CADM2: variants seen among roughly 807,000 people sequenced by gnomAD.
CADM2 encodes cell adhesion molecule 2, also known as immunoglobulin superfamily member 4D.
A neutral mutation model predicts 49.8 loss-of-function variants in CADM2; 12 were observed. That is an observed-to-expected ratio of 0.24 (90% CI 0.15 to 0.39). The LOEUF (loss-of-function observed/expected upper bound fraction) is 0.39. CADM2 is among the 10% of genes least tolerant of loss of function. The pLI, the probability that CADM2 is intolerant of heterozygous loss-of-function variation, is 1.00. For missense variants in CADM2, 378 were observed against 492.3 expected (o/e 0.77, Z 2.20); for synonymous variants, 214 against 175.4 (o/e 1.22, Z -1.74).
At chr3:85,290,354 G>T (rs950012750) in intron 1 of CADM2, among the ~76,000 whole-genome samples, 1 of 152,178 alleles carries the variant, frequency 6.6e-6, no homozygotes, top group African/African-American at 2.4e-5. Context: ...CCGCAGCAAG[G>T]CTGGGGGAGG....
chr3:85,350,867 A>T (rs1465377649), intron 1 of CADM2, among the ~76,000 whole-genome samples: 1 of 152,194 alleles, frequency 6.6e-6, no homozygotes, highest in Non-Finnish European at 1.5e-5. Context: ...GGAACAAGGT[A>T]TAGTTTAAAA....
chr3:86,013,154 A>T (rs1039354197), intron 8 of CADM2: 4 of 1,353,662 alleles, frequency 3.0e-6, no homozygotes, highest in Non-Finnish European at 4.2e-6. Context: ...GAAAACGAAT[A>T]AAAGAACTGA....
intron 1 of CADM2, among the ~76,000 whole-genome samples, chr3:85,634,744 A>G (rs2064409943): frequency 6.6e-6 from 1 of 152,126 alleles, no homozygotes; most frequent in African/African-American, 2.4e-5. Context: ...TGATAGATCA[A>G]TCATTTTAGA....
chr3:85,659,804 T>A (rs571283696), intron 1 of CADM2, among the ~76,000 whole-genome samples: 121 of 152,224 alleles, frequency 7.9e-4, no homozygotes, highest in Admixed American at 1.3e-3. Context: ...TTCTAACAAG[T>A]TCCAAGATGG....
At chr3:85,490,549 A>G (rs1009825348) in intron 1 of CADM2, among the ~76,000 whole-genome samples, 4 of 152,074 alleles carry the variant, frequency 2.6e-5, no homozygotes, top group African/African-American at 9.7e-5. Flanking sequence ...ATGCCACTGT[A>G]CTCCAGTATG....
intron 1 of CADM2, among the ~76,000 whole-genome samples, chr3:85,722,191 G>A (rs1269679019): frequency 6.6e-6 from 1 of 151,958 alleles, no homozygotes; most frequent in Admixed American, 6.6e-5. Flanking sequence ...AGGAGACCCT[G>A]GAGTGGGTAG....
chr3:85,081,727 C>G (rs1218455102), intron 1 of CADM2, among the ~76,000 whole-genome samples: 1 of 152,066 alleles, frequency 6.6e-6, no homozygotes, highest in African/African-American at 2.4e-5. Context: ...TCCAGGGCAT[C>G]GAGGAAGAGG....
At chr3:86,017,202 C>A (rs1732383404) in intron 8 of CADM2, among the ~76,000 whole-genome samples, 1 of 147,854 alleles carries the variant, frequency 6.8e-6, no homozygotes. Context: ...ATAATTTACA[C>A]TATATAGATA....
intron 1 of CADM2, among the ~76,000 whole-genome samples, chr3:85,658,470 A>G (rs1197906302): frequency 6.6e-6 from 1 of 151,234 alleles, no homozygotes; most frequent in Non-Finnish European, 1.5e-5. Context: ...TGGCAGCCCT[A>G]GCAAGCTAAT....
Position 85,456,732 on chromosome 3 carries a change from A to G in CADM2, c.62-269790A>G, listed in dbSNP as rs116347916. On this transcript the variant is annotated intron_variant, in intron 1 of 9. Coordinates refer to ENST00000383699, the MANE Select transcript of CADM2 (RefSeq NM_001167675.2). Reference sequence around the variant, plus strand: ...AAGTAATATTTAAGTCTATAGGCCTACTTTTTTCAGTGACAGGACAAAGTT... The same window carrying G: ...AAGTAATATTTAAGTCTATAGGCCTGCTTTTTTCAGTGACAGGACAAAGTT... 8.8e-4 allele frequency among the ~76,000 whole-genome samples: 134 copies of G among 152,110 alleles called. 1 individual carries two copies. Among genetic ancestry groups the G allele is most frequent in the African/African-American group, 2.9e-3 (122 of 41,514 alleles).
chr3:85,201,011 C>T (rs2041485283), intron 1 of CADM2, among the ~76,000 whole-genome samples: 1 of 152,098 alleles, frequency 6.6e-6, no homozygotes, highest in Non-Finnish European at 1.5e-5. Context: ...TTATCAATAT[C>T]CCTGTGATAA....
intron 8 of CADM2, chr3:86,013,703 C>A (rs1168841624): frequency 1.1e-5 from 18 of 1,599,238 alleles, no homozygotes; most frequent in Non-Finnish European, 1.5e-5. Flanking sequence ...AATCTCATAG[C>A]CTAAGAGAGG....
intron 5 of CADM2, among the ~76,000 whole-genome samples, chr3:85,890,717 T>C (rs1179831494): frequency 6.6e-6 from 1 of 152,014 alleles, no homozygotes; most frequent in Non-Finnish European, 1.5e-5. Flanking sequence ...TTTTCATTAC[T>C]GAGATCCCAA....
intron 1 of CADM2, among the ~76,000 whole-genome samples, chr3:85,264,699 A>T (rs1033598479): frequency 6.6e-6 from 1 of 152,116 alleles, no homozygotes; most frequent in East Asian, 1.9e-4. Flanking sequence ...CACCAAACAG[A>T]TATAATAATC....
intron 1 of CADM2, among the ~76,000 whole-genome samples, chr3:85,248,742 G>T (rs1190695707): frequency 6.6e-6 from 1 of 152,124 alleles, no homozygotes; most frequent in Non-Finnish European, 1.5e-5. Flanking sequence ...GTAGGTTAAT[G>T]ATATAATAGA....
At chr3:85,154,605 C>T (rs2040042531) in intron 1 of CADM2, among the ~76,000 whole-genome samples, 1 of 151,448 alleles carries the variant, frequency 6.6e-6, no homozygotes. Context: ...AAAGATACTC[C>T]TCGAGAAGAG....
At chr3:85,431,148 A>G (rs953464508) in intron 1 of CADM2, among the ~76,000 whole-genome samples, 13 of 152,264 alleles carry the variant, frequency 8.5e-5, no homozygotes, top group Middle Eastern at 3.4e-3. Context: ...GTACAATAAC[A>G]TATTTCGCAG....
chr3:85,232,954 G>A (rs1205168984), intron 1 of CADM2, among the ~76,000 whole-genome samples: 1 of 152,134 alleles, frequency 6.6e-6, no homozygotes, highest in African/African-American at 2.4e-5. Flanking sequence ...AATATTTATA[G>A]TAACTTTATT....
rs569282256 is a variant in CADM2 at position 85,607,605 on chromosome 3, CACA to C, written c.62-118913_62-118911del. On this transcript the variant is annotated intron_variant, in intron 1 of 9. Transcript: ENST00000383699. ...ATTATTACACATTATATGTCTGTAT[CACA>C]ACATTACCTATACCCCATAAATATA... Among the ~76,000 whole-genome samples the C allele has an allele frequency of 3.3e-5, 5 of 152,176 alleles. No individual in the cohort carries two copies. In the East Asian group the frequency reaches 5.8e-4, roughly 18 times the overall value.
Sources: gnomAD v4.1 joint callset for allele counts (sites outside exome capture counted in the v4.1 genomes callset) on GRCh38, gnomAD v4.1.1 for gene constraint, MANE v1.5 for transcripts, NCBI Gene and HGNC (gene_info 2026-07-23, HGNC 2026-07-21) for gene names.